CCDC91: variants seen among roughly 807,000 people sequenced by gnomAD.
CCDC91 encodes coiled-coil domain-containing protein 91.
CCDC91 carries 48 observed loss-of-function variants against 63.2 expected under a neutral mutation model. That is an observed-to-expected ratio of 0.76 (90% CI 0.60 to 0.97). The LOEUF (loss-of-function observed/expected upper bound fraction) is 0.97. CCDC91 is among the 50% of genes least tolerant of loss of function. CCDC91 has a pLI of 0.00. For missense variants in CCDC91, 500 were observed against 494.6 expected (o/e 1.01, Z -0.10); for synonymous variants, 167 against 165.8 (o/e 1.01, Z -0.06).
intron 8 of CCDC91, among the ~76,000 whole-genome samples, chr12:28,392,370 T>C (rs1288574946): frequency 2.0e-5 from 3 of 152,172 alleles, no homozygotes; most frequent in African/African-American, 7.2e-5. Context: ...TACATACTCA[T>C]TGAGGTCTGT....
intron 12 of CCDC91, among the ~76,000 whole-genome samples, chr12:28,503,117 A>G (rs149126940): frequency 0.01 from 1,586 of 152,318 alleles, 17 homozygotes; most frequent in Non-Finnish European, 0.014. Flanking sequence ...TCTGCACAGC[A>G]AAAGAAACTA....
At chr12:28,334,714 T>A (rs1170194502) in intron 6 of CCDC91, among the ~76,000 whole-genome samples, 1 of 152,166 alleles carries the variant, frequency 6.6e-6, no homozygotes, top group Non-Finnish European at 1.5e-5. Flanking sequence ...CCTAATAAAG[T>A]AAGGAAATCC....
chr12:28,350,571 G>A (rs531411584), intron 6 of CCDC91, among the ~76,000 whole-genome samples: 1 of 152,214 alleles, frequency 6.6e-6, no homozygotes, highest in Admixed American at 6.5e-5. Flanking sequence ...GAAAAGTACA[G>A]TGTTTGACTT....
rs566885823 is a variant in CCDC91, at chr12:28,522,144, A to G, written c.1216-26919A>G. On this transcript the variant is annotated intron_variant, in intron 12 of 12. Transcript: ENST00000536442. ...ATTGATTGGAATAGTTTCAGAAGGAATGGTACAAGCTCCTCCTTGTACCTC... is the reference window on the plus strand; with the variant it reads ...ATTGATTGGAATAGTTTCAGAAGGAGTGGTACAAGCTCCTCCTTGTACCTC... Among the ~76,000 whole-genome samples, 4 of 152,300 alleles carry G rather than the reference A, an allele frequency of 2.6e-5. No homozygotes were observed. In the South Asian group the frequency reaches 6.2e-4, roughly 24 times the overall value.
At chr12:28,462,125 G>A (rs10843179) in intron 11 of CCDC91, among the ~76,000 whole-genome samples, 31,680 of 151,720 alleles carry the variant, frequency 0.21, 4,333 homozygotes, top group Non-Finnish European at 0.31. Context: ...CCAGCTTGTC[G>A]ATATTTGTTT....
At chr12:28,394,732 C>CTCTCTCTCTCT (rs371886485) in intron 8 of CCDC91, among the ~76,000 whole-genome samples, 12 of 151,388 alleles carry the variant, frequency 7.9e-5, no homozygotes, top group South Asian at 4.2e-4. Context: ...CTCTCTCTCT[C>CTCTCTCTCTCT]CCCCTTTTTC....
Position 28,379,333 on chromosome 12 carries a change from G to A in CCDC91, c.655-11971G>A, listed in dbSNP as rs1341464867. On this transcript the variant is annotated intron_variant, in intron 7 of 12. Coordinates refer to ENST00000536442, the MANE Select transcript of CCDC91 (RefSeq NM_018318.5). ...AATTAAACTAAAGAGCTTTTGCACAGCAAAAGAAACTACCATCAGAGTGAA... is the reference window on the plus strand; with the variant it reads ...AATTAAACTAAAGAGCTTTTGCACAACAAAAGAAACTACCATCAGAGTGAA... Among the ~76,000 whole-genome samples the A allele has an allele frequency of 4.6e-5, 7 of 150,562 alleles. No homozygotes were observed. The East Asian group carries it at 1.4e-3, about 30-fold the overall frequency.
At chr12:28,305,856 C>G (rs375941542) in intron 4 of CCDC91, 50 bp downstream of exon 4, 74 of 1,450,690 alleles carry the variant, frequency 5.1e-5, no homozygotes, top group Non-Finnish European at 6.5e-5. Context: ...AAAAAATTGC[C>G]TGCTAATTTA....
intron 3 of CCDC91, among the ~76,000 whole-genome samples, chr12:28,270,099 T>G (rs1947648874): frequency 6.6e-6 from 1 of 152,024 alleles, no homozygotes; most frequent in African/African-American, 2.4e-5. Flanking sequence ...TACATTTACA[T>G]TAAAACGGAA....
intron 3 of CCDC91, among the ~76,000 whole-genome samples, chr12:28,267,809 T>TA (rs1565699765): frequency 1.0e-4 from 5 of 48,312 alleles, no homozygotes; most frequent in African/African-American, 1.3e-4. Flanking sequence ...TATATAGTAA[T>TA]ATATAATTAT....
rs1327268555 is a variant in CCDC91, at chr12:28,292,931, A to G, written c.110-12718A>G. Among the ~76,000 whole-genome samples, 3 of 152,304 alleles carry G rather than the reference A, an allele frequency of 2.0e-5. No individual in the cohort carries two copies. The East Asian group carries it at 5.8e-4, about 29-fold the overall frequency. ...TCTGGAAATTATTATGGGGCTGTTT[A>G]TGTCATTTTAGGATGCTGAGTCAGC... is the stretch of plus-strand genomic sequence containing the variant. On this transcript the variant is annotated intron_variant, in intron 3 of 12. Transcript: ENST00000536442.
At chr12:28,447,830 GGGAGGGA>G (rs1949604463) in intron 8 of CCDC91, among the ~76,000 whole-genome samples, 2 of 42,348 alleles carry the variant, frequency 4.7e-5, no homozygotes, top group Non-Finnish European at 4.8e-5. Context: ...GGGAGGGGAG[GGGAGGGA>G]AGGGGAGGGG....
intron 8 of CCDC91, among the ~76,000 whole-genome samples, chr12:28,402,520 ATTTTTTTTTTTT>A (rs57398967): frequency 1.9e-5 from 1 of 51,928 alleles, no homozygotes; most frequent in East Asian, 6.9e-4. Flanking sequence ...AGTTCCAGGA[ATTTTTTTTTTTT>A]TTTTTTTTTT....
In CCDC91 at chr12:28,307,695, A is replaced by G. The variant is rs1215020669; in HGVS notation, c.522A>G (p.Leu174=). Residue 174 remains leucine, a synonymous_variant, in exon 6 of 13, where the codon CTA becomes CTG. Transcript: ENST00000536442. ...ATAATGTCTTAGAAAAAGGCTTTCT[A>G]AAAGAAAAAGAGCAAGAGGCCATTT... ...EKHNVLEKGF[L]KEKEQEAISF... 1.9e-6 allele frequency: 3 copies of G among 1,593,064 alleles called. No individual in the cohort carries two copies. Among genetic ancestry groups the G allele is most frequent in the Admixed American group, 3.5e-5 (2 of 56,694 alleles).
Position 28,328,258 on chromosome 12 carries a change from G to A in CCDC91, c.576+20509G>A, listed in dbSNP as rs868116683. Among the ~76,000 whole-genome samples the A allele has an allele frequency of 2.4e-4, 37 of 152,120 alleles. 1 individual carries two copies. Among genetic ancestry groups the A allele is most frequent in the African/African-American group, 8.7e-4 (36 of 41,512 alleles). On this transcript the variant is annotated intron_variant, in intron 6 of 12. Coordinates refer to ENST00000536442, the MANE Select transcript of CCDC91 (RefSeq NM_018318.5). ...TTTGTAGCTTTGGTTGTTGTTTTCT[G>A]TGTGCTAAACATATTGTATTTTTTT...
rs1157316558 is a variant in CCDC91 at position 28,441,386 on chromosome 12, A to G, written c.763-8775A>G. ...GTATGCAAAAGAAATAAAAATGTAT[A>G]TCAAAGAATGTCTGTGATTCCTTTA... On this transcript the variant is annotated intron_variant, in intron 8 of 12. Transcript: ENST00000536442. Among the ~76,000 whole-genome samples, 5 of 152,202 alleles carry G rather than the reference A, an allele frequency of 3.3e-5. No individual in the cohort carries two copies. In the East Asian group the frequency reaches 7.7e-4, roughly 23 times the overall value.
intron 12 of CCDC91, among the ~76,000 whole-genome samples, chr12:28,510,029 C>A (rs140598075): frequency 2.0e-5 from 3 of 151,754 alleles, no homozygotes; most frequent in African/African-American, 7.2e-5. Flanking sequence ...AGTAGGGGTA[C>A]CCATGTAGAA....
intron 8 of CCDC91, among the ~76,000 whole-genome samples, chr12:28,401,435 CAT>C (rs760370337): frequency 2.1e-4 from 32 of 152,188 alleles, no homozygotes; most frequent in South Asian, 4.2e-4. Flanking sequence ...CCTCCCACGA[CAT>C]GTGGGGATTA....
At chr12:28,194,077 T>C (rs1280561043) in intron 1 of CCDC91, among the ~76,000 whole-genome samples, 1 of 152,234 alleles carries the variant, frequency 6.6e-6, no homozygotes, top group Non-Finnish European at 1.5e-5. Flanking sequence ...GTTTTTTCTC[T>C]TATGATTTGT....
Sources: gnomAD v4.1 joint callset for allele counts (sites outside exome capture counted in the v4.1 genomes callset) on GRCh38, gnomAD v4.1.1 for gene constraint, MANE v1.5 for transcripts, NCBI Gene and HGNC (gene_info 2026-07-23, HGNC 2026-07-21) for gene names.